Variants in HNF4G observed in about 807,000 individuals in gnomAD.
HNF4G encodes the protein hepatocyte nuclear factor 4 gamma.
A neutral mutation model predicts 50.9 loss-of-function variants in HNF4G; 21 were observed. The ratio of observed to expected loss-of-function variants is 0.41; its 90% CI spans 0.29 to 0.59. The LOEUF is 0.59. HNF4G is among the 20% of genes least tolerant of loss of function. The pLI is 0.26. For synonymous variants in HNF4G, 198 were observed against 185.6 expected (o/e 1.07, Z -0.54); for missense variants, 527 against 559.4 (o/e 0.94, Z 0.58).
At chr8:75,436,222 A>T (rs1811133163) in intron 1 of HNF4G, among the ~76,000 whole-genome samples, 1 of 152,186 alleles carries the variant, frequency 6.6e-6, no homozygotes, top group South Asian at 2.1e-4. Flanking sequence ...GTTTTACTCA[A>T]ATTGGTTTAT....
intron 1 of HNF4G, among the ~76,000 whole-genome samples, chr8:75,458,754 G>A (rs1011403569): frequency 6.6e-6 from 1 of 151,990 alleles, no homozygotes; most frequent in Non-Finnish European, 1.5e-5. Context: ...CATCATAACT[G>A]GGTCAAAGTT....
intron 2 of HNF4G, among the ~76,000 whole-genome samples, chr8:75,506,976 T>C (rs1004219807): frequency 1.3e-5 from 2 of 152,204 alleles, no homozygotes; most frequent in African/African-American, 4.8e-5. Flanking sequence ...ATTGCAATTT[T>C]ATTTGGGCCT....
chr8:75,433,840 A>AAACAGT, intron 1 of HNF4G, among the ~76,000 whole-genome samples: 1 of 152,300 alleles, frequency 6.6e-6, no homozygotes, highest in South Asian at 2.1e-4. Context: ...ACCAGCCAAA[A>AAACAGT]AACAGTAAGT....
At chr8:75,526,203 AC>A (rs1806176598) in intron 2 of HNF4G, among the ~76,000 whole-genome samples, 1 of 151,866 alleles carries the variant, frequency 6.6e-6, no homozygotes, top group African/African-American at 2.4e-5. Flanking sequence ...ATCATGGCTC[AC>A]TGAAACCTCA....
intron 1 of HNF4G, among the ~76,000 whole-genome samples, chr8:75,469,375 C>T (rs952119919): frequency 5.3e-5 from 8 of 152,044 alleles, no homozygotes; most frequent in Non-Finnish European, 8.8e-5. Context: ...TGAGTAATTG[C>T]GACAATAATC....
intron 3 of HNF4G, among the ~76,000 whole-genome samples, chr8:75,549,413 A>G (rs1202652842): frequency 6.6e-6 from 1 of 152,164 alleles, no homozygotes; most frequent in Non-Finnish European, 1.5e-5. Flanking sequence ...ATCTCTGCAT[A>G]TGCATTTCCA....
intron 1 of HNF4G, among the ~76,000 whole-genome samples, chr8:75,420,429 G>A (rs546290636): frequency 6.6e-6 from 1 of 152,336 alleles, no homozygotes; most frequent in African/African-American, 2.4e-5. Flanking sequence ...GGCCTATGAG[G>A]TGTTTGACGT....
intron 3 of HNF4G, among the ~76,000 whole-genome samples, chr8:75,550,146 G>A (rs1045303156): frequency 2.0e-5 from 3 of 152,042 alleles, no homozygotes; most frequent in African/African-American, 7.2e-5. Context: ...GAAAAAAAAT[G>A]ATATTTTAAT....
upstream of HNF4G, among the ~76,000 whole-genome samples, chr8:75,534,882 G>A (rs1021877151): frequency 1.8e-4 from 27 of 151,882 alleles, no homozygotes; most frequent in African/African-American, 6.5e-4. Flanking sequence ...ATAAAACTAT[G>A]TAAGCAAAGC....
chr8:75,499,404 C>A lies in HNF4G; in HGVS notation c.-24+9196C>A, dbSNP rs377385502. Among the ~76,000 whole-genome samples the A allele has an allele frequency of 2.6e-4, 40 of 151,944 alleles. No individual in the cohort carries two copies. In the East Asian group the frequency reaches 6.6e-3, roughly 25 times the overall value. ...ATTCCTTAATAATTGGAAAGACATCCCATGTTCATGGATTGAAAGATTTAA... is the reference window on the plus strand; with the variant it reads ...ATTCCTTAATAATTGGAAAGACATCACATGTTCATGGATTGAAAGATTTAA... On this transcript the variant is annotated intron_variant, in intron 2 of 10. Transcript: ENST00000354370.
chr8:75,552,500 A>G (rs1251003100), intron 4 of HNF4G, among the ~76,000 whole-genome samples: 1 of 152,148 alleles, frequency 6.6e-6, no homozygotes, highest in Non-Finnish European at 1.5e-5. Flanking sequence ...AAGCTCTTCA[A>G]CATTGCTGAG....
intron 2 of HNF4G, among the ~76,000 whole-genome samples, chr8:75,496,804 C>CTATATA (rs71567120): frequency 7.7e-4 from 114 of 148,360 alleles, no homozygotes; most frequent in African/African-American, 1.8e-3. Context: ...TACATTATTA[C>CTATATA]TATATATATA....
At chr8:75,475,611 T>C (rs185472505) in intron 1 of HNF4G, among the ~76,000 whole-genome samples, 1 of 152,280 alleles carries the variant, frequency 6.6e-6, no homozygotes, top group Admixed American at 6.5e-5. Flanking sequence ...ACATGTGAGG[T>C]TATAATTATT....
chr8:75,436,831 G>A (rs1811152642), intron 1 of HNF4G, among the ~76,000 whole-genome samples: 1 of 42,738 alleles, frequency 2.3e-5, no homozygotes, highest in Admixed American at 1.3e-4. Context: ...ATCACTTGAG[G>A]CCAGGAGTTG....
intron 2 of HNF4G, among the ~76,000 whole-genome samples, chr8:75,508,288 T>G (rs2130720017): frequency 6.6e-6 from 1 of 152,094 alleles, no homozygotes; most frequent in Middle Eastern, 3.4e-3. Context: ...GGCACAAGCC[T>G]TGAACAATTT....
intron 1 of HNF4G, among the ~76,000 whole-genome samples, chr8:75,462,993 T>G (rs774040321): frequency 1.3e-5 from 2 of 151,978 alleles, no homozygotes; most frequent in Non-Finnish European, 2.9e-5. Context: ...ATTTTTATTT[T>G]ACAAATAATA....
chr8:75,561,331 G>A (rs970296838), intron 9 of HNF4G, among the ~76,000 whole-genome samples: 1 of 152,170 alleles, frequency 6.6e-6, no homozygotes, highest in African/African-American at 2.4e-5. Flanking sequence ...CCCATGGTCA[G>A]CTACTTCTTC....
intron 2 of HNF4G, among the ~76,000 whole-genome samples, chr8:75,502,849 G>A (rs181484930): frequency 2.0e-5 from 3 of 152,224 alleles, no homozygotes; most frequent in Admixed American, 2.0e-4. Context: ...GTCTGTAATA[G>A]CAAAAGTCTG....
intron 2 of HNF4G, among the ~76,000 whole-genome samples, chr8:75,493,392 G>A (rs1282777813): frequency 6.6e-6 from 1 of 152,028 alleles, no homozygotes; most frequent in Non-Finnish European, 1.5e-5. Context: ...AATCATTGAG[G>A]CAAAAGCTAT....
Sources: gnomAD v4.1 joint callset for allele counts (sites outside exome capture counted in the v4.1 genomes callset) on GRCh38, gnomAD v4.1.1 for gene constraint, MANE v1.5 for transcripts, NCBI Gene and HGNC (gene_info 2026-07-23, HGNC 2026-07-21) for gene names.